The following PXDN variants were observed in gnomAD, a reference collection of about 807,000 sequenced individuals.
PXDN encodes peroxidasin homolog.
PXDN carries 77 observed loss-of-function variants against 140.3 expected under a neutral mutation model. The observed-to-expected ratio is 0.55, with a 90% CI of 0.46 to 0.66. The LOEUF (loss-of-function observed/expected upper bound fraction) is 0.66. Among genes scored for constraint, PXDN ranks in the 30% least tolerant of loss-of-function variants. PXDN has a pLI of 0.00. For missense variants in PXDN, 1,838 were observed against 2,039.5 expected (o/e 0.90, Z 1.90); for synonymous variants, 911 against 857.4 (o/e 1.06, Z -1.09).
intron 8 of PXDN, among the ~76,000 whole-genome samples, chr2:1,674,679 A>G (rs1683654890): frequency 6.6e-6 from 1 of 152,188 alleles, no homozygotes; most frequent in Admixed American, 6.5e-5. Flanking sequence ...GAGAGGTGAC[A>G]TTGGATGCCA....
rs1039155504 is a variant in PXDN, at chr2:1,744,260, T to C, written c.196A>G (p.Ile66Val). The C allele has an allele frequency of 4.6e-6, 7 of 1,513,474 alleles. No homozygotes were observed. Among genetic ancestry groups the C allele is most frequent in the South Asian group, 3.7e-5 (3 of 81,680 alleles). 93.8% of individuals were successfully genotyped at this position (1,513,474 alleles called of 1,614,324 possible). Residue 66 changes from isoleucine to valine, a missense_variant, in exon 1 of 23, where the codon ATC becomes GTC. Transcript: ENST00000252804. The part of the protein sequence containing the change: ...AVPAVAPQTS[I>V]LDLRFNRIRE... ...GGCGTCCCCCGCGGCACTCACAGGA[T>C]GGAGGTCTGCGGCGCCACGGCGGGC...
intron 1 of PXDN, among the ~76,000 whole-genome samples, chr2:1,736,478 G>A (rs1352504230): frequency 3.3e-5 from 5 of 152,102 alleles, no homozygotes; most frequent in Non-Finnish European, 7.3e-5. Context: ...AGTCTTACAT[G>A]GGTGTGGTTT....
intron 8 of PXDN, among the ~76,000 whole-genome samples, chr2:1,675,296 C>G (rs1021977836): frequency 6.6e-6 from 1 of 152,174 alleles, no homozygotes; most frequent in African/African-American, 2.4e-5. Flanking sequence ...GTCACCAGGC[C>G]TCAGGGCTTT....
chr2:1,635,455 T>C lies in PXDN; in HGVS notation c.4273A>G (p.Asn1425Asp), dbSNP rs1157313938. 1 of 1,602,628 alleles carries C rather than the reference T, an allele frequency of 6.2e-7. No homozygotes were observed. The highest frequency in any genetic ancestry group is 1.3e-5 in the African/African-American group (1 of 74,940). Residue 1425 changes from asparagine (N) to aspartate (D), a missense_variant, in exon 22 of 23, where the codon AAC (asparagine) becomes GAC (aspartate). Transcript: ENST00000252804. The part of the protein sequence containing the change: ...CVDAGGESHA[N>D]NTKWKKDACT... ...GCATCTTTTTTCCACTTGGTGTTGT[T>C]GGCGTGAGATTCGCCCCCGGCATCC...
intron 1 of PXDN, among the ~76,000 whole-genome samples, chr2:1,695,036 T>A (rs1684269623): frequency 6.6e-6 from 1 of 152,228 alleles, no homozygotes; most frequent in Non-Finnish European, 1.5e-5. Context: ...GAAACCAAGC[T>A]GCTCCTCCAG....
chr2:1,706,247 G>A (rs550404351), intron 1 of PXDN, among the ~76,000 whole-genome samples: 1 of 152,348 alleles, frequency 6.6e-6, no homozygotes, highest in Admixed American at 6.5e-5. Context: ...GGAGGGTGGG[G>A]CTTCCCTGTC....
At chr2:1,738,716 T>C (rs962046671) in intron 1 of PXDN, among the ~76,000 whole-genome samples, 3 of 152,048 alleles carry the variant, frequency 2.0e-5, no homozygotes, top group Non-Finnish European at 4.4e-5. Flanking sequence ...GCCCAGCTAA[T>C]TGTATTTCTG....
intron 9 of PXDN, among the ~76,000 whole-genome samples, chr2:1,669,384 G>A (rs1281491582): frequency 6.6e-6 from 1 of 152,186 alleles, no homozygotes; most frequent in Non-Finnish European, 1.5e-5. Flanking sequence ...AGGTTGATAG[G>A]TGGCAGCAAA....
intron 8 of PXDN, among the ~76,000 whole-genome samples, chr2:1,675,711 C>T (rs1274940540): frequency 6.6e-6 from 1 of 151,390 alleles, no homozygotes; most frequent in Non-Finnish European, 1.5e-5. Context: ...TCTATAAACA[C>T]CACCTTGCCC....
chr2:1,711,457 T>C (rs1333634835), intron 1 of PXDN, among the ~76,000 whole-genome samples: 2 of 82,234 alleles, frequency 2.4e-5, no homozygotes, highest in Non-Finnish European at 4.3e-5. Flanking sequence ...CAGCACCCAC[T>C]CTCCACCAGC....
intron 3 of PXDN, among the ~76,000 whole-genome samples, chr2:1,690,403 GAA>G (rs1442963591): frequency 6.6e-6 from 1 of 152,102 alleles, no homozygotes; most frequent in Admixed American, 6.5e-5. Flanking sequence ...GAGGGTTATT[GAA>G]AAGAGATCAG....
intron 1 of PXDN, among the ~76,000 whole-genome samples, chr2:1,731,747 G>C (rs1219912949): frequency 1.3e-5 from 2 of 152,182 alleles, no homozygotes; most frequent in Admixed American, 6.5e-5. Context: ...CTCCAGTGAA[G>C]AGCTGCCCAG....
At chr2:1,662,394 C>T (rs1465656207) in intron 12 of PXDN, among the ~76,000 whole-genome samples, 2 of 152,202 alleles carry the variant, frequency 1.3e-5, no homozygotes, top group Non-Finnish European at 2.9e-5. Context: ...CCCGCCTCCC[C>T]GCCTCTCAGG....
Position 1,685,757 on chromosome 2 carries a change from C to T in PXDN, c.417-1606G>A, listed in dbSNP as rs1474049886. Among the ~76,000 whole-genome samples the T allele has an allele frequency of 2.0e-5, 3 of 151,812 alleles. No individual in the cohort carries two copies. In the East Asian group the frequency reaches 5.8e-4, roughly 29 times the overall value. On this transcript the variant is annotated intron_variant, in intron 4 of 22. Coordinates refer to ENST00000252804, the MANE Select transcript of PXDN (RefSeq NM_012293.3). This position sits in a 1 kb window ranked among gnomAD's most constrained non-coding sequence, Gnocchi z 5.1. ...GCTGCACAGGTGCTACGGGAAATGA[C>T]GGCCCAGGGTGCACAGGATCTTAGA... is the stretch of plus-strand genomic sequence containing the variant.
Position 1,643,357 on chromosome 2 carries a change from CT to C in PXDN, c.3952+10del, listed in dbSNP as rs757491900. 6.2e-7 allele frequency: 1 copy of C among 1,610,932 alleles called. No individual in the cohort carries two copies. Among genetic ancestry groups the C allele is most frequent in the Non-Finnish European group, 8.5e-7 (1 of 1,177,672 alleles). On this transcript the variant is annotated intron_variant, in intron 19 of 22. Coordinates refer to ENST00000252804, the MANE Select transcript of PXDN (RefSeq NM_012293.3). ...TGAAAAAGGAACAGACATGGTGCCC[CT>C]GGCACGCACCTTCACAGCAGTCCTG...
chr2:1,743,300 G>A (rs1488124219), intron 1 of PXDN, among the ~76,000 whole-genome samples: 2 of 152,230 alleles, frequency 1.3e-5, no homozygotes, highest in Non-Finnish European at 2.9e-5. Context: ...ACGCTCGCGT[G>A]GATTAGAAGC....
rs754672655 is a variant in PXDN, at chr2:1,685,193, G to A, written c.417-1042C>T. Among the ~76,000 whole-genome samples, 2 of 152,228 alleles carry A rather than the reference G, an allele frequency of 1.3e-5. No homozygotes were observed. Among genetic ancestry groups the A allele is most frequent in the East Asian group, 3.9e-4 (2 of 5,188 alleles). The stretch of plus-strand genomic sequence containing the variant: ...ACACAGGCCACACTGAGTCTCTGCG[G>A]ACACCTGCAGCCGGAGGGCCCCCAA... On this transcript the variant is annotated intron_variant, in intron 4 of 22. Coordinates refer to ENST00000252804, the MANE Select transcript of PXDN (RefSeq NM_012293.3). This position sits in a 1 kb window ranked among gnomAD's most constrained non-coding sequence, Gnocchi z 5.1.
chr2:1,676,497 G>A lies in PXDN; in HGVS notation c.848+430C>T, dbSNP rs189709735. 4.4e-5 allele frequency: 8 copies of A among 182,016 alleles called. No individual in the cohort carries two copies. In the East Asian group the frequency reaches 5.9e-4, roughly 13 times the overall value. The allele number at this position is 182,016 out of a possible 1,614,324, so 11.3% of individuals were successfully genotyped here. ...CATGGCGCTCCAGGCTCCTGAGGAC[G>A]CCGTCCCAGCAGAGGTCAGGGCCCC... On this transcript the variant is annotated intron_variant, in intron 8 of 22. Coordinates refer to ENST00000252804, the MANE Select transcript of PXDN (RefSeq NM_012293.3).
rs1002574718 is a variant in PXDN, at chr2:1,685,998, ACTGCATCCGGGCTCCCGGGCATTC to A, written c.416+1610_416+1633del. 1.2e-4 allele frequency among the ~76,000 whole-genome samples: 18 copies of A among 152,192 alleles called. No individual in the cohort carries two copies. The highest frequency in any genetic ancestry group is 4.3e-4 in the African/African-American group (18 of 41,464). ...ATCAGGGACACTCAGATCCCCCTGGACTGCATCCGGGCTCCCGGGCATTCCTGCATTCCGGTCTCCCAGTGTCAC... is the reference window on the plus strand; with the variant it reads ...ATCAGGGACACTCAGATCCCCCTGGACTGCATTCCGGTCTCCCAGTGTCAC... On this transcript the variant is annotated intron_variant, in intron 4 of 22. Coordinates refer to ENST00000252804, the MANE Select transcript of PXDN (RefSeq NM_012293.3). This position sits in a 1 kb window ranked among gnomAD's most constrained non-coding sequence, Gnocchi z 5.1.
Sources: gnomAD v4.1 joint callset for allele counts (sites outside exome capture counted in the v4.1 genomes callset) on GRCh38, gnomAD v4.1.1 for gene constraint, Gnocchi (gnomAD v3.1) non-coding constraint, MANE v1.5 for transcripts, NCBI Gene and HGNC (gene_info 2026-07-23, HGNC 2026-07-21) for gene names.